The following ADCY8 variants were observed in gnomAD, a reference collection of about 807,000 sequenced individuals.
ADCY8 encodes the protein adenylate cyclase 8.
Under a neutral mutation model 119.7 loss-of-function variants are expected in ADCY8, and 51 were observed. That is an observed-to-expected ratio of 0.43 (90% CI 0.34 to 0.54). The LOEUF (loss-of-function observed/expected upper bound fraction) is 0.54, where lower values mean the gene tolerates loss of function less well. Ranked by LOEUF, ADCY8 falls within the 20% of genes least tolerant of loss-of-function variation. The pLI is 0.03. For synonymous variants in ADCY8, 665 were observed against 651.0 expected (o/e 1.02, Z -0.33); for missense variants, 1,383 against 1,598.8 (o/e 0.87, Z 2.30).
At chr8:130,944,727 A>G (rs1017678220) in intron 3 of ADCY8, among the ~76,000 whole-genome samples, 2 of 152,240 alleles carry the variant, frequency 1.3e-5, no homozygotes, top group East Asian at 3.8e-4. Flanking sequence ...TCATGAAATC[A>G]TTAGGAATCC....
intron 12 of ADCY8, among the ~76,000 whole-genome samples, chr8:130,824,793 T>G (rs548275773): frequency 1.3e-5 from 2 of 152,338 alleles, no homozygotes; most frequent in East Asian, 3.9e-4. Flanking sequence ...TTGAAATTTT[T>G]TTTTAGAGAA....
At chr8:130,849,237 A>G (rs1276903671) in intron 10 of ADCY8, among the ~76,000 whole-genome samples, 1 of 152,206 alleles carries the variant, frequency 6.6e-6, no homozygotes, top group African/African-American at 2.4e-5. Context: ...AGGATTAAAT[A>G]TGAAAAATAT....
chr8:130,879,159 C>A (rs1375853124), intron 8 of ADCY8, among the ~76,000 whole-genome samples: 4 of 152,086 alleles, frequency 2.6e-5, no homozygotes, highest in East Asian at 1.9e-4. Context: ...AGCCATTTCC[C>A]AGAAGAGAAG....
chr8:130,890,496 A>G (rs942503782), intron 7 of ADCY8, among the ~76,000 whole-genome samples: 1 of 152,180 alleles, frequency 6.6e-6, no homozygotes, highest in Non-Finnish European at 1.5e-5. Context: ...ACCAAACTGT[A>G]TTAAATAAGA....
intron 12 of ADCY8, among the ~76,000 whole-genome samples, chr8:130,825,433 G>C (rs543657933): frequency 6.6e-6 from 1 of 152,284 alleles, no homozygotes; most frequent in South Asian, 2.1e-4. Context: ...TTCTACTTTT[G>C]TGGCATTTGC....
intron 2 of ADCY8, among the ~76,000 whole-genome samples, chr8:130,989,323 C>T (rs544496983): frequency 8.5e-5 from 13 of 152,268 alleles, no homozygotes; most frequent in Admixed American, 3.3e-4. Flanking sequence ...TAGAGTCACA[C>T]GGACCTGGCT....
rs752932655 is a variant in ADCY8 at position 131,039,580 on chromosome 8, C to A, written c.754G>T (p.Ala252Ser). ...LQYSGVVTWVAMTTQILAAGL... is the reference protein window; with the variant it reads ...LQYSGVVTWVSMTTQILAAGL... Reference sequence around the variant, plus strand: ...GCTGCCAGGATCTGGGTGGTCATGGCCACCCAGGTGACCACGCCGCTGTAC... The same window carrying A: ...GCTGCCAGGATCTGGGTGGTCATGGACACCCAGGTGACCACGCCGCTGTAC... Residue 252 changes from alanine to serine, a missense_variant, in exon 1 of 18, where the codon GCC (alanine) becomes TCC (serine). Coordinates refer to ENST00000286355, the MANE Select transcript of ADCY8 (RefSeq NM_001115.3). 2 of 1,613,808 alleles carry A rather than the reference C, an allele frequency of 1.2e-6. No individual in the cohort carries two copies. The highest frequency in any genetic ancestry group is 1.7e-6 in the Non-Finnish European group (2 of 1,180,002).
chr8:130,812,971 G>A (rs1328371025), intron 14 of ADCY8, among the ~76,000 whole-genome samples: 1 of 142,568 alleles, frequency 7.0e-6, no homozygotes, highest in Non-Finnish European at 1.5e-5. Flanking sequence ...TTTTTGAGAT[G>A]GATTCTCAGT....
chr8:131,020,982 A>ACAAAG lies in ADCY8; in HGVS notation c.960+18387_960+18391dup, dbSNP rs1393067194. 3.3e-5 allele frequency among the ~76,000 whole-genome samples: 5 copies of ACAAAG among 152,330 alleles called. No individual in the cohort carries two copies. In the East Asian group the frequency reaches 9.6e-4, roughly 29 times the overall value. On this transcript the variant is annotated intron_variant, in intron 1 of 17. Transcript: ENST00000286355. ...AATCTCAAATATGGAGCAAAGCAAAACAAAGCACCCATAAAATGTAAATGG... is the reference window on the plus strand; with the variant it reads ...AATCTCAAATATGGAGCAAAGCAAAACAAAGCAAAGCACCCATAAAATGTAAATGG...
At chr8:130,814,317 C>T in intron 13 of ADCY8, 90 bp from the exon 14 acceptor site, 1 of 1,359,168 alleles carries the variant, frequency 7.4e-7, no homozygotes, top group South Asian at 1.3e-5. Flanking sequence ...GGAAAGGCTT[C>T]TCTGGAACTC....
chr8:130,954,975 T>C (rs969623588), intron 2 of ADCY8, among the ~76,000 whole-genome samples: 1 of 152,236 alleles, frequency 6.6e-6, no homozygotes, highest in Non-Finnish European at 1.5e-5. Flanking sequence ...GGAGGGTTCC[T>C]GAAAAATGTG....
intron 8 of ADCY8, among the ~76,000 whole-genome samples, chr8:130,879,795 T>C (rs1051724054): frequency 2.0e-5 from 3 of 152,176 alleles, no homozygotes; most frequent in Non-Finnish European, 2.9e-5. Flanking sequence ...AAGCAAAGAA[T>C]GTTTAACACT....
At chr8:130,807,547 TA>T (rs1402377489) in intron 14 of ADCY8, among the ~76,000 whole-genome samples, 1 of 152,184 alleles carries the variant, frequency 6.6e-6, no homozygotes, top group Non-Finnish European at 1.5e-5. Flanking sequence ...TTCTGGCTCT[TA>T]CACCATGTGG....
rs989522707 is a variant in ADCY8 at position 130,886,851 on chromosome 8, CTT to C, written c.1912-2092_1912-2091del. On this transcript the variant is annotated intron_variant, in intron 7 of 17. Coordinates refer to ENST00000286355, the MANE Select transcript of ADCY8 (RefSeq NM_001115.3). The stretch of plus-strand genomic sequence containing the variant: ...CCTTGTGCCTTCAGTGACTCTAAGA[CTT>C]TTGGATTTCACAGAGGAGAGAAGTT... Among the ~76,000 whole-genome samples, 9 of 152,100 alleles carry C rather than the reference CTT, an allele frequency of 5.9e-5. No homozygotes were observed. In the South Asian group the frequency reaches 6.2e-4, roughly 10 times the overall value.
intron 2 of ADCY8, among the ~76,000 whole-genome samples, chr8:130,960,680 T>C (rs1821573680): frequency 6.6e-6 from 1 of 152,064 alleles, no homozygotes; most frequent in Non-Finnish European, 1.5e-5. Context: ...TGCCAGAAGA[T>C]ACAGCAACAA....
chr8:131,008,880 C>A (rs543836039), intron 1 of ADCY8, among the ~76,000 whole-genome samples: 9 of 152,280 alleles, frequency 5.9e-5, no homozygotes, highest in Non-Finnish European at 1.2e-4. Context: ...GCAATGGTGA[C>A]CCTTGCTATG....
chr8:130,868,127 C>T (rs1818193408), intron 8 of ADCY8, among the ~76,000 whole-genome samples, 181 bp from the exon 9 acceptor site: 1 of 152,076 alleles, frequency 6.6e-6, no homozygotes, highest in Admixed American at 6.6e-5. Context: ...CAGTGAGAGC[C>T]CAGGAGTAAA....
At chr8:131,000,248 C>G (rs1563762348) in intron 1 of ADCY8, among the ~76,000 whole-genome samples, 2 of 152,026 alleles carry the variant, frequency 1.3e-5, no homozygotes, top group South Asian at 4.2e-4. Flanking sequence ...TGATGGAGAC[C>G]TTTGATATTC....
intron 5 of ADCY8, among the ~76,000 whole-genome samples, chr8:130,912,049 A>T (rs1205955940): frequency 6.6e-6 from 1 of 152,036 alleles, no homozygotes; most frequent in Non-Finnish European, 1.5e-5. Context: ...TGCTTCCTCA[A>T]TCTGGAATGT....
Sources: allele counts gnomAD v4.1 joint callset (sites outside exome capture counted in the v4.1 genomes callset), GRCh38; gene constraint gnomAD v4.1.1; transcripts MANE v1.5; gene names NCBI Gene and HGNC (gene_info 2026-07-23, HGNC 2026-07-21).